LAMA1: variants seen among roughly 807,000 people sequenced by gnomAD.
LAMA1 encodes the protein laminin subunit alpha-1.
Under a neutral mutation model 348.7 loss-of-function variants are expected in LAMA1, and 219 were observed. The ratio of observed to expected loss-of-function variants is 0.63; its 90% CI spans 0.56 to 0.70. The LOEUF is 0.70. Among genes scored for constraint, LAMA1 ranks in the 30% least tolerant of loss-of-function variants. The pLI, the probability that LAMA1 is intolerant of heterozygous loss-of-function variation, is 0.00. For synonymous variants in LAMA1, 1,487 were observed against 1,491.0 expected (o/e 1.00, Z 0.06); for missense variants, 3,744 against 3,888.0 (o/e 0.96, Z 0.99).
chr18:6,964,542 C>T, intron 51 of LAMA1, 120 bp downstream of exon 51: 2 of 1,249,168 alleles, frequency 1.6e-6, no homozygotes, highest in Non-Finnish European at 2.3e-6. Context: ...GCCTCTAGAA[C>T]TGGGAAAGAA....
chr18:7,000,051 C>T (rs2057800862), intron 30 of LAMA1, 54 bp from the exon 31 acceptor site: 6 of 1,288,094 alleles, frequency 4.7e-6, no homozygotes, highest in Non-Finnish European at 4.5e-6. Context: ...TCCATCTTTC[C>T]TTAAGGTACT....
intron 3 of LAMA1, among the ~76,000 whole-genome samples, chr18:7,063,182 A>G (rs2058109376): frequency 6.6e-6 from 1 of 152,134 alleles, no homozygotes; most frequent in African/African-American, 2.4e-5. Context: ...ATGAGAAAGT[A>G]TTGTTTCTTG....
chr18:6,999,869 CAG>C (rs1568025028), intron 31 of LAMA1, 40 bp downstream of exon 31: 1 of 1,550,270 alleles, frequency 6.5e-7, no homozygotes, highest in East Asian at 2.3e-5. Context: ...ATAAAAGAAA[CAG>C]AGTGCCCAGG....
intron 14 of LAMA1, among the ~76,000 whole-genome samples, chr18:7,033,718 A>G (rs375908005): frequency 5.3e-5 from 8 of 149,778 alleles, no homozygotes; most frequent in African/African-American, 1.2e-4. Context: ...GTGTCATGCT[A>G]TGTTTGTGTT....
At position 7,015,588 on chromosome 18, in the gene LAMA1, G is replaced by GC. The variant is rs2057883382; in HGVS notation, c.3126+133_3126+134insG. On this transcript the variant is annotated intron_variant, in intron 22 of 62. Coordinates refer to ENST00000389658, the MANE Select transcript of LAMA1 (RefSeq NM_005559.4). Reference sequence around the variant, plus strand: ...AGCCACTGTGCCTGGCCCACATTGAGTTTTTTTTTTTTTTTTAAATTCACA... The same window carrying GC: ...AGCCACTGTGCCTGGCCCACATTGAGCTTTTTTTTTTTTTTTTAAATTCACA... 4 of 917,838 alleles carry GC rather than the reference G, an allele frequency of 4.4e-6. No homozygotes were observed. In the African/African-American group the frequency reaches 7.0e-5, roughly 16 times the overall value. The allele number at this position is 917,838 out of a possible 1,614,324, so 56.9% of individuals were successfully genotyped here.
chr18:6,972,851 C>T (rs796321546), intron 47 of LAMA1, among the ~76,000 whole-genome samples: 3 of 152,256 alleles, frequency 2.0e-5, no homozygotes, highest in Middle Eastern at 3.4e-3. Context: ...CCACCACACC[C>T]GGCTAATTTT....
At chr18:6,977,613 G>A (rs1215303761) in intron 44 of LAMA1, 114 bp downstream of exon 44, 1 of 1,216,984 alleles carries the variant, frequency 8.2e-7, no homozygotes, top group Non-Finnish European at 1.2e-6. Context: ...TGGGATCTGG[G>A]TCTTTGGAAG....
chr18:7,040,593 T>C (rs923511428), intron 9 of LAMA1, among the ~76,000 whole-genome samples: 1 of 152,214 alleles, frequency 6.6e-6, no homozygotes, highest in African/African-American at 2.4e-5. Flanking sequence ...GAAAACCTTT[T>C]GACACTTCTT....
intron 3 of LAMA1, among the ~76,000 whole-genome samples, chr18:7,077,624 C>G (rs1487134312): frequency 2.0e-5 from 3 of 151,974 alleles, no homozygotes; most frequent in Admixed American, 1.3e-4. Flanking sequence ...AATTTCAAGA[C>G]AAAGGATAGA....
At chr18:7,029,865 T>C (rs1003362552) in intron 16 of LAMA1, among the ~76,000 whole-genome samples, 1 of 151,996 alleles carries the variant, frequency 6.6e-6, no homozygotes, top group African/African-American at 2.4e-5. Context: ...TCATCTCTAA[T>C]GAACTGTGAA....
At chr18:7,044,012 C>T (rs527297697) in intron 7 of LAMA1, among the ~76,000 whole-genome samples, 124 of 151,656 alleles carry the variant, frequency 8.2e-4, no homozygotes, top group African/African-American at 2.9e-3. Flanking sequence ...AAAAATTAGC[C>T]GGGTGTGGTG....
intron 40 of LAMA1, 22 bp from the exon 41 acceptor site, chr18:6,982,612 G>T (rs369036421): frequency 4.0e-5 from 64 of 1,602,648 alleles, no homozygotes; most frequent in Non-Finnish European, 5.4e-5. Context: ...AACCACTTAA[G>T]CGTGGTGAGA....
intron 61 of LAMA1, among the ~76,000 whole-genome samples, chr18:6,944,002 G>T (rs968992356): frequency 6.6e-6 from 1 of 152,120 alleles, no homozygotes; most frequent in African/African-American, 2.4e-5. Flanking sequence ...CCTTACTGGA[G>T]GTGCTGGTCA....
Position 7,033,010 on chromosome 18 carries a change from G to C in LAMA1, c.2137C>G (p.Gln713Glu). 1 of 1,611,498 alleles carries C rather than the reference G, an allele frequency of 6.2e-7. No homozygotes were observed. The highest frequency in any genetic ancestry group is 8.5e-7 in the Non-Finnish European group (1 of 1,178,812). The change falls in exon 15 of 63, where the codon CAA (glutamine) becomes GAA (glutamate). Residue 713 changes from glutamine (Q) to glutamate (E), a missense_variant. Gln to Glu is a conservative substitution (Grantham distance 29). Around this residue, in one of 3 missense-constraint regions of LAMA1, gnomAD observed 1,529 missense variants for 1,689.4 expected, o/e 0.91. Coordinates refer to ENST00000389658, the MANE Select transcript of LAMA1 (RefSeq NM_005559.4). ...AADVEHCECP[Q>E]GYTGTSCESC... ...TCACAGGAGGTCCCTGTGTAGCCTT[G>C]CGGACATTCACAGTGCTCCACATCA...
chr18:6,974,838 C>T, intron 46 of LAMA1, 65 bp downstream of exon 46: 1 of 1,585,934 alleles, frequency 6.3e-7, no homozygotes. Context: ...ATGTTACAAG[C>T]ATGTAATTAC....
At chr18:7,061,538 G>A (rs539370343) in intron 3 of LAMA1, among the ~76,000 whole-genome samples, 113 of 152,234 alleles carry the variant, frequency 7.4e-4, no homozygotes, top group African/African-American at 2.6e-3. Flanking sequence ...TCCCTTGGCC[G>A]TTAACTATCA....
chr18:7,022,017 T>C (rs1372983081), intron 19 of LAMA1, among the ~76,000 whole-genome samples: 1 of 151,902 alleles, frequency 6.6e-6, no homozygotes, highest in Admixed American at 6.6e-5. Context: ...AATAACAAAA[T>C]AGTGGCTCAG....
chr18:7,002,065 T>C (rs1375316733), intron 30 of LAMA1, among the ~76,000 whole-genome samples, 199 bp downstream of exon 30: 19 of 152,224 alleles, frequency 1.2e-4, no homozygotes, highest in Admixed American at 1.2e-3. Context: ...AAACATCCAA[T>C]ACCAAAACAG....
chr18:7,055,877 C>T (rs943548244), intron 3 of LAMA1, among the ~76,000 whole-genome samples: 8 of 151,844 alleles, frequency 5.3e-5, no homozygotes, highest in Non-Finnish European at 7.4e-5. Context: ...GTCAGGAGAT[C>T]GAGACCATCC....
Sources: allele counts gnomAD v4.1 joint callset (sites outside exome capture counted in the v4.1 genomes callset), GRCh38; gene constraint gnomAD v4.1.1; regional missense constraint gnomAD v4.1.1; transcripts MANE v1.5; gene names NCBI Gene and HGNC (gene_info 2026-07-23, HGNC 2026-07-21).